Variants in TBC1D9 observed in about 807,000 individuals in gnomAD.
The protein encoded by TBC1D9 is TBC1 domain family member 9A.
Under a neutral mutation model 132.0 loss-of-function variants are expected in TBC1D9, and 63 were observed. The observed-to-expected ratio is 0.48, with a 90% CI of 0.39 to 0.59. The LOEUF is 0.59. TBC1D9 is among the 20% of genes least tolerant of loss of function. TBC1D9 has a pLI of 0.00. For synonymous variants in TBC1D9, 610 were observed against 609.9 expected (o/e 1.00, Z 0.00); for missense variants, 1,261 against 1,592.7 (o/e 0.79, Z 3.54).
intron 13 of TBC1D9, among the ~76,000 whole-genome samples, chr4:140,649,970 A>T (rs977296597): frequency 1.3e-5 from 2 of 152,244 alleles, no homozygotes; most frequent in Non-Finnish European, 2.9e-5. Flanking sequence ...GTAAAAATAT[A>T]TCATTTAATA....
At chr4:140,721,089 GGAA>G (rs1291390553) in intron 1 of TBC1D9, among the ~76,000 whole-genome samples, 1 of 152,184 alleles carries the variant, frequency 6.6e-6, no homozygotes, top group African/African-American at 2.4e-5. Flanking sequence ...AGAAGGGTGG[GGAA>G]GACTGGAGAT....
At chr4:140,703,767 C>T (rs369567085) in intron 1 of TBC1D9, among the ~76,000 whole-genome samples, 8 of 152,134 alleles carry the variant, frequency 5.3e-5, no homozygotes, top group East Asian at 1.9e-4. Flanking sequence ...TTGTTAGCTC[C>T]GGCCTGTATG....
chr4:140,645,017 G>A (rs72947320), intron 13 of TBC1D9: 1 of 472,570 alleles, frequency 2.1e-6, no homozygotes. Flanking sequence ...ACAACCAGGG[G>A]TGCGTGGCCA....
At chr4:140,739,472 TC>T (rs1312984531) in intron 1 of TBC1D9, among the ~76,000 whole-genome samples, 32 of 152,292 alleles carry the variant, frequency 2.1e-4, no homozygotes, top group African/African-American at 7.7e-4. Flanking sequence ...CAGGGTTTCC[TC>T]AGGTAAATAC....
chr4:140,755,769 A>G lies in TBC1D9; in HGVS notation c.130+147T>C. ...ATCTCTGCCCAACCTGAACATCACG[A>G]CTCTCGATGCCTCGCATACAACGAG... On this transcript the variant is annotated intron_variant, in intron 1 of 20. Coordinates refer to ENST00000442267, the MANE Select transcript of TBC1D9 (RefSeq NM_015130.3). 3.1e-6 allele frequency: 4 copies of G among 1,275,420 alleles called. 1 individual carries two copies. The highest frequency in any genetic ancestry group is 5.7e-4 in the Middle Eastern group (2 of 3,518). The allele number at this position is 1,275,420 out of a possible 1,614,324, so 79.0% of individuals were successfully genotyped here.
intron 3 of TBC1D9, among the ~76,000 whole-genome samples, chr4:140,680,889 T>C (rs1737693280): frequency 1.3e-5 from 2 of 152,212 alleles, no homozygotes; most frequent in Non-Finnish European, 2.9e-5. Context: ...ACCACAAAAT[T>C]CTTACCAAAA....
intron 7 of TBC1D9, 106 bp from the exon 8 acceptor site, chr4:140,669,910 T>C (rs749948250): frequency 1.4e-4 from 166 of 1,148,984 alleles, no homozygotes; most frequent in Admixed American, 1.2e-3. Flanking sequence ...TTTTTTCCCA[T>C]GGTGTTTCTT....
chr4:140,674,171 C>G (rs144498095), intron 6 of TBC1D9, among the ~76,000 whole-genome samples: 1 of 152,250 alleles, frequency 6.6e-6, no homozygotes, highest in African/African-American at 2.4e-5. Context: ...CATCCTATAG[C>G]AAAAACTACT....
chr4:140,635,271 A>G (rs947421972), intron 15 of TBC1D9, among the ~76,000 whole-genome samples: 1 of 152,128 alleles, frequency 6.6e-6, no homozygotes, highest in East Asian at 1.9e-4. Flanking sequence ...TGAGCCCAGG[A>G]ATTAGAGAAC....
chr4:140,709,240 TCTCTCTCTCACA>T (rs1343704562), intron 1 of TBC1D9, among the ~76,000 whole-genome samples: 6 of 109,544 alleles, frequency 5.5e-5, no homozygotes, highest in African/African-American at 2.3e-4. Flanking sequence ...TCTCTCTCTC[TCTCTCTCTCACA>T]CACACACACA....
intron 2 of TBC1D9, among the ~76,000 whole-genome samples, chr4:140,701,201 G>A (rs1323627370): frequency 6.6e-6 from 1 of 152,160 alleles, no homozygotes; most frequent in Non-Finnish European, 1.5e-5. Flanking sequence ...GTTAAACACA[G>A]ATGTGCTCCA....
intron 13 of TBC1D9, among the ~76,000 whole-genome samples, chr4:140,650,830 T>C (rs1737177773): frequency 6.6e-6 from 1 of 152,158 alleles, no homozygotes; most frequent in South Asian, 2.1e-4. Context: ...CCACCATGCC[T>C]GGCCTCTATT....
intron 6 of TBC1D9, among the ~76,000 whole-genome samples, chr4:140,671,865 CT>C (rs1434819373): frequency 6.6e-6 from 1 of 152,126 alleles, no homozygotes; most frequent in African/African-American, 2.4e-5. Flanking sequence ...AAGGCAAGCA[CT>C]AGAAAAATGG....
chr4:140,728,296 C>T (rs1322506668), intron 1 of TBC1D9, among the ~76,000 whole-genome samples: 1 of 151,674 alleles, frequency 6.6e-6, no homozygotes, highest in Non-Finnish European at 1.5e-5. Flanking sequence ...TATTCTGCAC[C>T]AGTCAGGAAT....
chr4:140,641,854 A>T, intron 13 of TBC1D9: 1 of 330,680 alleles, frequency 3.0e-6, no homozygotes, highest in Non-Finnish European at 5.7e-6. Flanking sequence ...GGGCCTCCTC[A>T]CCCCCCATCT....
At chr4:140,637,989 A>T (rs544103461) in intron 15 of TBC1D9, among the ~76,000 whole-genome samples, 1 of 152,372 alleles carries the variant, frequency 6.6e-6, no homozygotes, top group East Asian at 1.9e-4. Flanking sequence ...GTACTAGTGC[A>T]CTTTACCAGG....
chr4:140,695,155 TA>T (rs1737934040), intron 2 of TBC1D9, among the ~76,000 whole-genome samples: 1 of 152,206 alleles, frequency 6.6e-6, no homozygotes, highest in Admixed American at 6.5e-5. Context: ...TATTTAATTA[TA>T]AAAGCCAGCA....
chr4:140,641,573 C>A (rs564529150), intron 13 of TBC1D9, among the ~76,000 whole-genome samples: 1 of 151,830 alleles, frequency 6.6e-6, no homozygotes, highest in Non-Finnish European at 1.5e-5. Context: ...CCAAAGAGAG[C>A]CTGACCACAG....
chr4:140,755,541 T>C (rs1334549243), intron 1 of TBC1D9, among the ~76,000 whole-genome samples: 1 of 152,082 alleles, frequency 6.6e-6, no homozygotes, highest in African/African-American at 2.4e-5. Flanking sequence ...GGAGCAAAAA[T>C]TAACCTTCTT....
Sources: allele counts gnomAD v4.1 joint callset (sites outside exome capture counted in the v4.1 genomes callset), GRCh38; gene constraint gnomAD v4.1.1; transcripts MANE v1.5; gene names NCBI Gene and HGNC (gene_info 2026-07-23, HGNC 2026-07-21).